Variants in GPLD1 observed in about 807,000 individuals in gnomAD.
GPLD1 encodes the protein glycosylphosphatidylinositol specific phospholipase D1.
In GPLD1, 84 loss-of-function variants were observed where a neutral mutation model predicts 112.6. That is an observed-to-expected ratio of 0.75 (90% confidence interval 0.63 to 0.89). The LOEUF is 0.89. Among genes scored for constraint, GPLD1 ranks in the 40% least tolerant of loss-of-function variants. The probability of loss-of-function intolerance (pLI) is 0.00; values close to 1 mark genes in which losing one functional copy is unlikely to be tolerated. For missense variants in GPLD1, 1,044 were observed against 1,051.5 expected (o/e 0.99, Z 0.10); for synonymous variants, 386 against 403.8 (o/e 0.96, Z 0.53).
At position 24,465,196 on chromosome 6, in the gene GPLD1, C is replaced by CAA. The variant is rs34368143; in HGVS notation, c.821+1482_821+1483dup. 4.5e-3 allele frequency among the ~76,000 whole-genome samples: 457 copies of CAA among 101,262 alleles called. 6 individuals carry two copies. The highest frequency in any genetic ancestry group is 0.02 in the South Asian group (55 of 2,798). 66.4% of individuals were successfully genotyped at this position (101,262 alleles called of 152,430 possible). ...TGGGCAACAGAGCAAGACTCTGTCT[C>CAA]AAAAAAAAAAAAAAAAAGAAAAGAA... On this transcript the variant is annotated intron_variant, in intron 10 of 24. Transcript: ENST00000230036.
chr6:24,491,472 G>A (rs139989940), upstream of GPLD1, among the ~76,000 whole-genome samples: 1,061 of 152,336 alleles, frequency 7.0e-3, 12 homozygotes, highest in African/African-American at 0.024. Context: ...GCCAAGGCGG[G>A]CAGATGGCTT....
chr6:24,476,729 CATTTG>C (rs1161991311), intron 3 of GPLD1, among the ~76,000 whole-genome samples: 2 of 152,168 alleles, frequency 1.3e-5, no homozygotes, highest in Non-Finnish European at 2.9e-5. Context: ...TGCTTTCAAG[CATTTG>C]ATTTTATAAT....
At chr6:24,457,838 A>C (rs1763316345) in intron 12 of GPLD1, among the ~76,000 whole-genome samples, 1 of 151,672 alleles carries the variant, frequency 6.6e-6, no homozygotes, top group African/African-American at 2.4e-5. Flanking sequence ...GTGCCGCTGC[A>C]CGCTAGCCTG....
At chr6:24,453,016 C>T (rs1200167668) in intron 14 of GPLD1, among the ~76,000 whole-genome samples, 3 of 152,054 alleles carry the variant, frequency 2.0e-5, no homozygotes, top group Non-Finnish European at 4.4e-5. Flanking sequence ...CCCCCCCACG[C>T]TCCTCCTTAT....
At position 24,457,090 on chromosome 6, in the gene GPLD1, G is replaced by A. The variant is rs748236384; in HGVS notation, c.1009-453C>T. Among the ~76,000 whole-genome samples the A allele has an allele frequency of 1.5e-4, 23 of 152,274 alleles. 1 individual carries two copies. The highest frequency in any genetic ancestry group is 8.5e-4 in the Admixed American group (13 of 15,294). ...TCACCATGTTGGCCAGGCTGGTCTC[G>A]AATTCCTGACCTTAAGCAATCTACC... On this transcript the variant is annotated intron_variant, in intron 12 of 24. Transcript: ENST00000230036.
At chr6:24,448,720 A>G (rs1347777890) in intron 15 of GPLD1, among the ~76,000 whole-genome samples, 1 of 152,146 alleles carries the variant, frequency 6.6e-6, no homozygotes, top group Non-Finnish European at 1.5e-5. Flanking sequence ...CTCTTCCATG[A>G]AGCCCCCGGG....
In GPLD1 at chr6:24,438,785, C is replaced by CTT. The variant is rs200314335; in HGVS notation, c.2021-1498_2021-1497dup. Among the ~76,000 whole-genome samples the CTT allele has an allele frequency of 2.4e-4, 36 of 150,866 alleles. No individual in the cohort carries two copies. The South Asian group carries it at 3.4e-3, about 14-fold the overall frequency. On this transcript the variant is annotated intron_variant, in intron 20 of 24. Coordinates refer to ENST00000230036, the MANE Select transcript of GPLD1 (RefSeq NM_001503.4). ...TTGAAATAAGAGAAAATCTTCATTC[C>CTT]TTTTTCTTTTTTTATTATTGAGATG...
At chr6:24,473,595 T>G in intron 6 of GPLD1, 24 bp downstream of exon 6, 1 of 1,514,532 alleles carries the variant, frequency 6.6e-7, no homozygotes, top group South Asian at 1.1e-5. Flanking sequence ...ACGAGAAAAT[T>G]TAGCAAATGT....
At chr6:24,447,031 TG>T in intron 17 of GPLD1, 52 bp from the exon 18 acceptor site, 3 of 1,531,872 alleles carry the variant, frequency 2.0e-6, no homozygotes, top group Non-Finnish European at 2.7e-6. Context: ...AGAGGACTAC[TG>T]GGATGAAAAG....
chr6:24,472,007 A>T (rs561873438), intron 7 of GPLD1, among the ~76,000 whole-genome samples: 2 of 152,380 alleles, frequency 1.3e-5, no homozygotes, highest in East Asian at 3.9e-4. Flanking sequence ...GAAAGGACAT[A>T]CCACAAACTG....
At position 24,475,223 on chromosome 6, in the gene GPLD1, C is replaced by T. The variant is rs1174003029; in HGVS notation, c.339G>A (p.Glu113=). Residue 113 remains glutamate, a synonymous_variant, in exon 5 of 25, where the codon GAG becomes GAA. Coordinates refer to ENST00000230036, the MANE Select transcript of GPLD1 (RefSeq NM_001503.4). ...TTCCAAACAAGAAAGCTACCAGTTT[C>T]TCTGTGTCCTGCCAAACAAGCAAAT... is the stretch of plus-strand genomic sequence containing the variant. ...NYPLPWEKDT[E]KLVAFLFGIT... 1.9e-6 allele frequency: 3 copies of T among 1,585,356 alleles called. No individual in the cohort carries two copies. The highest frequency in any genetic ancestry group is 1.1e-5 in the South Asian group (1 of 90,502).
At chr6:24,450,234 G>C (rs966452537) in intron 14 of GPLD1, among the ~76,000 whole-genome samples, 2 of 152,108 alleles carry the variant, frequency 1.3e-5, no homozygotes, top group Non-Finnish European at 2.9e-5. Flanking sequence ...AAAATAGGCC[G>C]GGCACGGTGG....
At chr6:24,437,586 C>T (rs189429764) in intron 20 of GPLD1, among the ~76,000 whole-genome samples, 1 of 152,292 alleles carries the variant, frequency 6.6e-6, no homozygotes, top group Admixed American at 6.5e-5. Context: ...TAGGTCACCC[C>T]CATGACTGAC....
At chr6:24,462,483 T>A (rs1195453161) in intron 11 of GPLD1, among the ~76,000 whole-genome samples, 2 of 152,160 alleles carry the variant, frequency 1.3e-5, no homozygotes, top group Non-Finnish European at 2.9e-5. Context: ...TTGCTTTACA[T>A]CCACCACTGC....
chr6:24,462,989 T>G (rs112370116), intron 10 of GPLD1, among the ~76,000 whole-genome samples, 194 bp from the exon 11 acceptor site: 2 of 152,156 alleles, frequency 1.3e-5, no homozygotes, highest in Non-Finnish European at 2.9e-5. Context: ...ATCATGGTAA[T>G]CCAGGAAGGC....
At chr6:24,488,572 T>C (rs753288830) in intron 1 of GPLD1, among the ~76,000 whole-genome samples, 4 of 152,212 alleles carry the variant, frequency 2.6e-5, no homozygotes, top group African/African-American at 4.8e-5. Flanking sequence ...CAAATCCTTT[T>C]GCTAAGAAAG....
chr6:24,489,196 T>A (rs990207626), intron 1 of GPLD1, among the ~76,000 whole-genome samples: 1 of 152,154 alleles, frequency 6.6e-6, no homozygotes, highest in Non-Finnish European at 1.5e-5. Flanking sequence ...CAATGGGGCA[T>A]CAGCTCTCTT....
chr6:24,436,562 T>C lies in GPLD1; in HGVS notation c.2358+14A>G, dbSNP rs1317052080. 6.2e-7 allele frequency: 1 copy of C among 1,609,262 alleles called. No homozygotes were observed. On this transcript the variant is annotated intron_variant, in intron 22 of 24. Coordinates refer to ENST00000230036, the MANE Select transcript of GPLD1 (RefSeq NM_001503.4). ...CCTTTCCCAATAAGTTATAGAATTT[T>C]GTAGAACACTTACCTTTTCTTCTGG...
intron 14 of GPLD1, among the ~76,000 whole-genome samples, chr6:24,452,397 T>C (rs1763119946): frequency 6.6e-6 from 1 of 152,186 alleles, no homozygotes; most frequent in South Asian, 2.1e-4. Flanking sequence ...CACTGACCAG[T>C]CACCTTATTT....
Sources: allele counts gnomAD v4.1 joint callset (sites outside exome capture counted in the v4.1 genomes callset), GRCh38; gene constraint gnomAD v4.1.1; transcripts MANE v1.5; gene names NCBI Gene and HGNC (gene_info 2026-07-23, HGNC 2026-07-21).